SEMA3A: variants seen among roughly 807,000 people sequenced by gnomAD.
SEMA3A encodes semaphorin-3A.
SEMA3A carries 29 observed loss-of-function variants against 97.9 expected under a neutral mutation model. The ratio of observed to expected loss-of-function variants is 0.30; its 90% CI spans 0.22 to 0.40. The LOEUF is 0.40. Ranked by LOEUF, SEMA3A falls within the 10% of genes least tolerant of loss-of-function variation. The probability of loss-of-function intolerance (pLI) is 1.00; values close to 1 mark genes in which losing one functional copy is unlikely to be tolerated. For synonymous variants in SEMA3A, 321 were observed against 323.7 expected (o/e 0.99, Z 0.09); for missense variants, 763 against 951.3 (o/e 0.80, Z 2.60).
Position 83,959,413 on chromosome 7 carries a change from G to A in SEMA3A, c.*1958C>T, listed in dbSNP as rs1455209146. 1 of 152,030 alleles carries A rather than the reference G, an allele frequency of 6.6e-6. No homozygotes were observed. The highest frequency in any genetic ancestry group is 1.9e-4 in the East Asian group (1 of 5,190). 9.4% of individuals were successfully genotyped at this position (152,030 alleles called of 1,614,324 possible). ...TTTGAAACACTACTTTCTGTACAGTGGTGTGTCCTTCAAATAATTTAACAA... is the reference window on the plus strand; with the variant it reads ...TTTGAAACACTACTTTCTGTACAGTAGTGTGTCCTTCAAATAATTTAACAA... On this transcript the variant is annotated 3_prime_UTR_variant, in exon 17 of 17. Transcript: ENST00000265362.
chr7:84,136,911 A>T (rs1401714571), intron 1 of SEMA3A, among the ~76,000 whole-genome samples: 1 of 151,434 alleles, frequency 6.6e-6, no homozygotes, highest in East Asian at 2.0e-4. Context: ...ACACACACAA[A>T]AAAAAGAAGA....
chr7:84,116,094 A>G (rs1310891502), intron 3 of SEMA3A, among the ~76,000 whole-genome samples: 1 of 152,172 alleles, frequency 6.6e-6, no homozygotes, highest in Non-Finnish European at 1.5e-5. Flanking sequence ...GGAATGCTTG[A>G]TTTCATTCAC....
At chr7:84,195,940 T>A (rs911549769), upstream of SEMA3A, among the ~76,000 whole-genome samples, 3 of 152,220 alleles carry the variant, frequency 2.0e-5, no homozygotes, top group African/African-American at 7.2e-5. Flanking sequence ...ATGAACACCA[T>A]TAGTTCCTTC....
intron 3 of SEMA3A, among the ~76,000 whole-genome samples, chr7:84,209,756 A>G (rs1438793138): frequency 6.6e-6 from 1 of 152,198 alleles, no homozygotes; most frequent in Non-Finnish European, 1.5e-5. Context: ...CTATTCAACA[A>G]TAACTATGAT....
chr7:84,071,478 A>G (rs1793737199), intron 4 of SEMA3A, among the ~76,000 whole-genome samples: 1 of 152,112 alleles, frequency 6.6e-6, no homozygotes, highest in African/African-American at 2.4e-5. Flanking sequence ...GTGGTGTTTA[A>G]TGGCAGGACA....
At chr7:84,002,140 C>T (rs987951114) in intron 11 of SEMA3A, 94 bp from the exon 12 acceptor site, 15 of 640,260 alleles carry the variant, frequency 2.3e-5, no homozygotes, top group African/African-American at 2.1e-4. Context: ...AGACAAAGAA[C>T]CTTTGATATC....
intron 3 of SEMA3A, among the ~76,000 whole-genome samples, chr7:84,221,736 A>T (rs1584140368): frequency 6.6e-6 from 1 of 152,040 alleles, no homozygotes. Context: ...TTACATAGGC[A>T]TAGTTTATGG....
At chr7:83,966,283 C>A (rs1320940016) in intron 15 of SEMA3A, among the ~76,000 whole-genome samples, 2 of 152,054 alleles carry the variant, frequency 1.3e-5, no homozygotes, top group East Asian at 1.9e-4. Flanking sequence ...GACTTATAGA[C>A]TATAAGATGG....
At chr7:84,453,427 G>A (rs1392302727) in intron 1 of SEMA3A, among the ~76,000 whole-genome samples, 2 of 151,882 alleles carry the variant, frequency 1.3e-5, no homozygotes, top group Middle Eastern at 3.4e-3. Flanking sequence ...TAGTAGAGAC[G>A]GGGTTTCACC....
In SEMA3A at chr7:83,981,181, C is replaced by A. The variant is rs7789094; in HGVS notation, c.1652+140G>T. On this transcript the variant is annotated intron_variant, in intron 14 of 16. Coordinates refer to ENST00000265362, the MANE Select transcript of SEMA3A (RefSeq NM_006080.3). ...TGAAGAGAAGAGAAAAAACAAAACG[C>A]AACAATCCCCTCCATCTGCTCCCAA... is the stretch of plus-strand genomic sequence containing the variant. The A allele has an allele frequency of 0.39, 343,084 of 869,372 alleles. 72,172 individuals are homozygous for A. Among genetic ancestry groups the A allele is most frequent in the Middle Eastern group, 0.45 (1,378 of 3,052 alleles). The allele number at this position is 869,372 out of a possible 1,614,324, so 53.9% of individuals were successfully genotyped here. A position where few individuals can be genotyped will look rare whatever the true frequency, so the allele number is the denominator to read the frequency against.
chr7:84,388,790 G>A (rs1305483121), intron 1 of SEMA3A, among the ~76,000 whole-genome samples: 1 of 151,952 alleles, frequency 6.6e-6, no homozygotes, highest in Non-Finnish European at 1.5e-5. Context: ...AACAAGCCCC[G>A]CAGCATTTCT....
chr7:84,179,841 C>T (rs1386888213), intron 1 of SEMA3A, among the ~76,000 whole-genome samples: 1 of 150,496 alleles, frequency 6.6e-6, no homozygotes, highest in Non-Finnish European at 1.5e-5. Flanking sequence ...TCAGAGTTAC[C>T]CCGGACCCCT....
chr7:84,108,910 G>GAAAA (rs796700320), intron 4 of SEMA3A, among the ~76,000 whole-genome samples: 5 of 121,884 alleles, frequency 4.1e-5, no homozygotes, highest in South Asian at 2.7e-4. Context: ...ATACTCACAA[G>GAAAA]AAAAAAAAAA....
At chr7:84,160,777 G>A (rs1484855187) in intron 1 of SEMA3A, among the ~76,000 whole-genome samples, 1 of 151,480 alleles carries the variant, frequency 6.6e-6, no homozygotes, top group Non-Finnish European at 1.5e-5. Context: ...GTACTTGGGA[G>A]GCTGAGGCAG....
intron 1 of SEMA3A, among the ~76,000 whole-genome samples, chr7:84,490,708 G>A (rs763694988): frequency 6.6e-5 from 10 of 152,122 alleles, no homozygotes; most frequent in Non-Finnish European, 1.2e-4. Flanking sequence ...AAAAGCAAAT[G>A]GAGTAAATCA....
chr7:84,054,022 A>G (rs1488401678), intron 5 of SEMA3A, among the ~76,000 whole-genome samples: 3 of 151,738 alleles, frequency 2.0e-5, no homozygotes, highest in Non-Finnish European at 2.9e-5. Context: ...CTTTTCTTTA[A>G]GAATGTTGAA....
chr7:84,055,445 C>A (rs921691356), intron 5 of SEMA3A, among the ~76,000 whole-genome samples: 2 of 152,156 alleles, frequency 1.3e-5, no homozygotes, highest in African/African-American at 4.8e-5. Flanking sequence ...GGGCAGTATT[C>A]GGGTGGGAGT....
At chr7:84,051,869 T>C (rs1222702289) in intron 5 of SEMA3A, among the ~76,000 whole-genome samples, 1 of 150,968 alleles carries the variant, frequency 6.6e-6, no homozygotes, top group African/African-American at 2.4e-5. Context: ...GCTCTTATTA[T>C]TTTGAAATAC....
chr7:84,179,380 G>A (rs1244138425), intron 1 of SEMA3A, among the ~76,000 whole-genome samples: 4 of 152,148 alleles, frequency 2.6e-5, no homozygotes, highest in Non-Finnish European at 5.9e-5. Context: ...AATGCCTCAA[G>A]TCTCCAGACA....
Sources: allele counts gnomAD v4.1 joint callset (sites outside exome capture counted in the v4.1 genomes callset), GRCh38; gene constraint gnomAD v4.1.1; transcripts MANE v1.5; gene names NCBI Gene and HGNC (gene_info 2026-07-23, HGNC 2026-07-21).